The following LPA variants were observed in gnomAD, a reference collection of about 807,000 sequenced individuals.
LPA encodes the protein apolipoprotein(a).
In LPA, 199 loss-of-function variants were observed where a neutral mutation model predicts 197.9. That is an observed-to-expected ratio of 1.01 (90% CI 0.90 to 1.13). The LOEUF is 1.13. Ranked by LOEUF, LPA falls within the 50% of genes most tolerant of loss-of-function variation. The pLI, the probability that LPA is intolerant of heterozygous loss-of-function variation, is 0.00. For synonymous variants in LPA, 715 were observed against 639.5 expected, an observed-to-expected ratio of 1.12 and a Z score of -1.78; for missense variants, 1,853 against 1,785.8, an observed-to-expected ratio of 1.04 and a Z score of -0.68.
At chr6:160,647,021 G>A (rs1271052940) in intron 2 of LPA, among the ~76,000 whole-genome samples, 4 of 152,162 alleles carry the variant, frequency 2.6e-5, no homozygotes, top group African/African-American at 2.4e-5. Context: ...CGGTCAAGTA[G>A]GTTTGTTTCT....
chr6:160,651,918 G>A (rs191037568), intron 1 of LPA, among the ~76,000 whole-genome samples: 3 of 151,374 alleles, frequency 2.0e-5, no homozygotes, highest in African/African-American at 7.3e-5. Context: ...ATGCACTGAG[G>A]AGTCAATTAG....
chr6:160,584,202 T>G (rs1042885702), intron 26 of LPA, among the ~76,000 whole-genome samples: 1 of 121,320 alleles, frequency 8.2e-6, no homozygotes, highest in African/African-American at 3.1e-5. Flanking sequence ...TTCTTCTTCT[T>G]CTTCTTCTTC....
intron 31 of LPA, 56 bp from the exon 32 acceptor site, chr6:160,547,993 A>ATGTGGGTT (rs1778103044): frequency 6.3e-7 from 1 of 1,579,012 alleles, no homozygotes; most frequent in Admixed American, 1.7e-5. Context: ...GCAGCCACAT[A>ATGTGGGTT]GACCCAGGAC....
At chr6:160,609,775 T>TTG (rs1420892508) in intron 16 of LPA, among the ~76,000 whole-genome samples, 1 of 151,430 alleles carries the variant, frequency 6.6e-6, no homozygotes, top group African/African-American at 2.4e-5. Flanking sequence ...GTGTGTGTGT[T>TTG]TGTGTGTGTG....
chr6:160,647,528 T>C (rs1779918580), intron 2 of LPA, among the ~76,000 whole-genome samples: 1 of 152,208 alleles, frequency 6.6e-6, no homozygotes. Flanking sequence ...CTGGATGTAC[T>C]AAGAGCCAGA....
chr6:160,658,874 T>TTATA (rs997153544), intron 1 of LPA, among the ~76,000 whole-genome samples: 6 of 134,254 alleles, frequency 4.5e-5, no homozygotes, highest in Admixed American at 7.5e-5. Context: ...TAATAGGAGA[T>TTATA]TATATATATA....
At chr6:160,575,135 A>C (rs1778632159) in intron 28 of LPA, among the ~76,000 whole-genome samples, 1 of 152,032 alleles carries the variant, frequency 6.6e-6, no homozygotes, top group Admixed American at 6.6e-5. Context: ...TAAATCATAC[A>C]TTTTTACTTT....
intron 22 of LPA, among the ~76,000 whole-genome samples, chr6:160,593,632 C>T (rs994364251): frequency 2.6e-5 from 4 of 152,106 alleles, no homozygotes; most frequent in African/African-American, 7.2e-5. Flanking sequence ...GACAGAAATC[C>T]CTGGTTGAAC....
At chr6:160,604,691 G>A (rs549568008) in intron 18 of LPA, among the ~76,000 whole-genome samples, 1 of 152,228 alleles carries the variant, frequency 6.6e-6, no homozygotes, top group East Asian at 1.9e-4. Flanking sequence ...CTTCACTTCA[G>A]GAATTGGAGT....
At chr6:160,543,787 A>G (rs1778021613) in intron 33 of LPA, among the ~76,000 whole-genome samples, 1 of 152,174 alleles carries the variant, frequency 6.6e-6, no homozygotes, top group South Asian at 2.1e-4. Context: ...ATTCGTACTG[A>G]ATGTGTTGGT....
intron 22 of LPA, among the ~76,000 whole-genome samples, chr6:160,592,301 C>T (rs1275088013): frequency 6.6e-6 from 1 of 152,188 alleles, no homozygotes; most frequent in African/African-American, 2.4e-5. Flanking sequence ...TTCACCTTTT[C>T]CTACCATAAT....
chr6:160,611,762 A>C (rs1208990508), intron 15 of LPA, 41 bp from the exon 16 acceptor site: 1 of 1,324,218 alleles, frequency 7.6e-7, no homozygotes, highest in South Asian at 1.2e-5. Context: ...TATCTCTGAG[A>C]ATAACGAAAT....
At chr6:160,606,720 C>A (rs772069430) in intron 16 of LPA, 62 bp from the exon 17 acceptor site, 22 of 1,585,814 alleles carry the variant, frequency 1.4e-5, no homozygotes, top group Non-Finnish European at 1.7e-5. Context: ...GCACCCCACA[C>A]CCTCTCCTTT....
intron 26 of LPA, 115 bp downstream of exon 26, chr6:160,584,931 A>G (rs1034511240): frequency 4.6e-6 from 5 of 1,088,654 alleles, no homozygotes; most frequent in Non-Finnish European, 7.0e-6. Context: ...ACATTTTGCT[A>G]CAAACTCTGA....
Position 160,541,188 on chromosome 6 carries a change from A to G in LPA, c.5520-7T>C, listed in dbSNP as rs1477160242. On this transcript the variant is annotated splice_polypyrimidine_tract_variant and splice_region_variant and intron_variant, in intron 34 of 38. Transcript: ENST00000316300. ...ACAGAAGTGCTTTCCAAACCTAGAAAGAAAACATGCCAAGGCTTTGGTCAA... is the reference window on the plus strand; with the variant it reads ...ACAGAAGTGCTTTCCAAACCTAGAAGGAAAACATGCCAAGGCTTTGGTCAA... 2 of 1,607,418 alleles carry G rather than the reference A, an allele frequency of 1.2e-6. No individual in the cohort carries two copies. The highest frequency in any genetic ancestry group is 2.7e-5 in the African/African-American group (2 of 74,834).
intron 22 of LPA, 85 bp downstream of exon 22, chr6:160,593,873 A>G (rs1397539631): frequency 2.0e-6 from 3 of 1,529,716 alleles, no homozygotes. Flanking sequence ...TAAATTTGTC[A>G]TAAGAAGTTA....
At chr6:160,599,879 TA>T (rs764838413) in intron 19 of LPA, among the ~76,000 whole-genome samples, 1 of 152,220 alleles carries the variant, frequency 6.6e-6, no homozygotes, top group Non-Finnish European at 1.5e-5. Flanking sequence ...ATATTTCATG[TA>T]AAACTTAGTG....
intron 30 of LPA, among the ~76,000 whole-genome samples, chr6:160,555,209 C>T (rs1461645797): frequency 1.4e-4 from 20 of 147,712 alleles, no homozygotes; most frequent in Non-Finnish European, 1.5e-5. Flanking sequence ...GCTTAGAACC[C>T]AGTGTGTTCA....
At chr6:160,550,342 C>T in intron 30 of LPA, among the ~76,000 whole-genome samples, 1 of 152,074 alleles carries the variant, frequency 6.6e-6, no homozygotes, top group East Asian at 1.9e-4. Context: ...ACATTCATGA[C>T]ATGTGGCTGT....
Sources: allele counts gnomAD v4.1 joint callset (sites outside exome capture counted in the v4.1 genomes callset), GRCh38; gene constraint gnomAD v4.1.1; transcripts MANE v1.5; gene names NCBI Gene and HGNC (gene_info 2026-07-23, HGNC 2026-07-21).